The following RANBP2 variants were observed in gnomAD, a reference collection of about 807,000 sequenced individuals.
RANBP2 encodes RAN binding protein 2, also known as E3 SUMO-protein ligase RanBP2.
RANBP2 carries 57 observed loss-of-function variants against 303.6 expected under a neutral mutation model. The observed-to-expected ratio is 0.19, with a 90% CI of 0.15 to 0.23. The LOEUF (loss-of-function observed/expected upper bound fraction) is 0.23. RANBP2 is among the 10% of genes least tolerant of loss of function. The pLI is 1.00. For missense variants in RANBP2, 3,138 were observed against 3,780.8 expected (o/e 0.83, Z 4.46); for synonymous variants, 1,167 against 1,301.5 (o/e 0.90, Z 2.23).
chr2:109,513,271 C>T, the RANBP2 span, among the ~76,000 whole-genome samples: 1 of 152,066 alleles, frequency 6.6e-6, no homozygotes. Context: ...CATGCACACA[C>T]ATCCCACATG....
At chr2:109,188,964 A>C in the RANBP2 span, among the ~76,000 whole-genome samples, 1 of 151,686 alleles carries the variant, frequency 6.6e-6, no homozygotes, top group East Asian at 2.0e-4. Context: ...TTTGTGAAGT[A>C]CTCTTTTCAT....
chr2:109,487,953 T>C, the RANBP2 span, among the ~76,000 whole-genome samples: 1 of 152,182 alleles, frequency 6.6e-6, no homozygotes, highest in Non-Finnish European at 1.5e-5. Flanking sequence ...GAGGGGAGCC[T>C]AGACGGGGAT....
chr2:109,668,008 C>A, the RANBP2 span: 1 of 162,976 alleles, frequency 6.1e-6, no homozygotes, highest in Non-Finnish European at 1.4e-5. Flanking sequence ...TGCAGTGAGC[C>A]TTTGGAATGG....
the RANBP2 span, among the ~76,000 whole-genome samples, chr2:109,339,293 G>A: frequency 1.3e-5 from 2 of 151,602 alleles, no homozygotes; most frequent in Non-Finnish European, 2.9e-5. Context: ...GGGGGTGGGG[G>A]GTAACATGAA....
Position 108,782,820 on chromosome 2 carries a change from G to A in RANBP2, c.9327G>A (p.Lys3109=). Residue 3109 remains lysine, a synonymous_variant, in exon 28 of 29, where the codon AAG becomes AAA. Transcript: ENST00000283195. The part of the protein sequence containing the change: ...LCTGEKGFGF[K]NSIFHRVIPD... The stretch of plus-strand genomic sequence containing the variant: ...CTGGAGAGAAAGGCTTTGGTTTCAA[G>A]AATTCCATTTTTCACAGAGTAATTC... 6.2e-7 allele frequency: 1 copy of A among 1,614,044 alleles called. No homozygotes were observed. The highest frequency in any genetic ancestry group is 8.5e-7 in the Non-Finnish European group (1 of 1,180,024).
At chr2:108,955,391 C>T in the RANBP2 span, among the ~76,000 whole-genome samples, 1 of 152,112 alleles carries the variant, frequency 6.6e-6, no homozygotes, top group Non-Finnish European at 1.5e-5. Context: ...AATCATAACC[C>T]ATTAATTTTG....
chr2:108,792,860 C>G, the RANBP2 span, among the ~76,000 whole-genome samples: 2 of 151,498 alleles, frequency 1.3e-5, no homozygotes, highest in Non-Finnish European at 2.9e-5. Flanking sequence ...GTCAGGAGAT[C>G]GAGACCATCC....
intron 20 of RANBP2, 108 bp from the exon 21 acceptor site, chr2:108,771,593 A>G: frequency 1.9e-6 from 3 of 1,538,812 alleles, no homozygotes; most frequent in Non-Finnish European, 1.7e-6. Flanking sequence ...TTTTATCAGT[A>G]TGCTGTTTTA....
At chr2:109,633,778 G>A in the RANBP2 span, among the ~76,000 whole-genome samples, 2 of 152,162 alleles carry the variant, frequency 1.3e-5, no homozygotes, top group African/African-American at 4.8e-5. Context: ...AATGAGCATA[G>A]GTCATTGTAA....
the RANBP2 span, chr2:108,930,947 G>A: frequency 6.2e-7 from 1 of 1,613,428 alleles, no homozygotes; most frequent in Non-Finnish European, 8.5e-7. Flanking sequence ...TGGGGGTAAG[G>A]GGCTCAGACC....
At chr2:108,803,565 G>T in the RANBP2 span, among the ~76,000 whole-genome samples, 1 of 152,164 alleles carries the variant, frequency 6.6e-6, no homozygotes, top group East Asian at 1.9e-4. Flanking sequence ...TCAGCCTCCT[G>T]AGTGCCTGGG....
chr2:108,772,018 G>A, intron 21 of RANBP2, 147 bp downstream of exon 21: 1 of 1,061,994 alleles, frequency 9.4e-7, no homozygotes, highest in South Asian at 1.4e-5. Context: ...ATGTGTAAAT[G>A]GTCAATGGAT....
At chr2:109,259,329 A>G in the RANBP2 span, among the ~76,000 whole-genome samples, 9 of 152,128 alleles carry the variant, frequency 5.9e-5, no homozygotes, top group Admixed American at 6.5e-5. Context: ...AGTTGAGCCT[A>G]CCTGAAGCCC....
At chr2:109,229,742 T>A in the RANBP2 span, among the ~76,000 whole-genome samples, 4 of 152,192 alleles carry the variant, frequency 2.6e-5, no homozygotes, top group African/African-American at 9.6e-5. Flanking sequence ...TATTTGTCCT[T>A]TGTGTCTGGC....
the RANBP2 span, among the ~76,000 whole-genome samples, chr2:108,999,755 A>G: frequency 1.3e-5 from 2 of 152,322 alleles, no homozygotes; most frequent in African/African-American, 4.8e-5. Flanking sequence ...TTTTTTAAAA[A>G]ATTACGAAAT....
At chr2:108,909,603 G>T in the RANBP2 span, among the ~76,000 whole-genome samples, 3 of 152,334 alleles carry the variant, frequency 2.0e-5, no homozygotes, top group Non-Finnish European at 4.4e-5. Flanking sequence ...AGTGGCTGTC[G>T]GGCAGAGGCC....
the RANBP2 span, chr2:108,912,528 G>A: frequency 1.3e-6 from 1 of 758,870 alleles, no homozygotes; most frequent in South Asian, 1.5e-5. Context: ...CTGCACGGGG[G>A]GCAACATGTC....
chr2:109,469,413 C>T, the RANBP2 span, among the ~76,000 whole-genome samples: 37 of 152,144 alleles, frequency 2.4e-4, no homozygotes, highest in African/African-American at 8.7e-4. Context: ...GTTGGTTTTC[C>T]ATGCATGCAT....
chr2:109,417,859 T>C, the RANBP2 span, among the ~76,000 whole-genome samples: 4,831 of 152,246 alleles, frequency 0.032, 273 homozygotes, highest in African/African-American at 0.11. Flanking sequence ...GCCGGCGGCA[T>C]GCAGAGGTTA....
Sources: allele counts gnomAD v4.1 joint callset (sites outside exome capture counted in the v4.1 genomes callset), GRCh38; gene constraint gnomAD v4.1.1; transcripts MANE v1.5; gene names NCBI Gene and HGNC (gene_info 2026-07-23, HGNC 2026-07-21).